Variants in RTN3 observed in about 807,000 individuals in gnomAD.
RTN3 encodes the protein reticulon 3.
A neutral mutation model predicts 77.8 loss-of-function variants in RTN3; 49 were observed. That is an observed-to-expected ratio of 0.63 (90% CI 0.50 to 0.80). The LOEUF is 0.80. RTN3 is among the 30% of genes least tolerant of loss of function. RTN3 has a pLI of 0.00. For missense variants in RTN3, 1,236 were observed against 1,211.9 expected (o/e 1.02, Z -0.29); for synonymous variants, 464 against 446.9 (o/e 1.04, Z -0.48).
At chr11:63,695,980 C>T (rs1941917870) in intron 1 of RTN3, among the ~76,000 whole-genome samples, 1 of 151,810 alleles carries the variant, frequency 6.6e-6, no homozygotes. Context: ...CGATGAACAT[C>T]TCTTAGTGTC....
intron 2 of RTN3, among the ~76,000 whole-genome samples, chr11:63,711,876 A>G (rs2134768620): frequency 6.6e-6 from 1 of 151,962 alleles, no homozygotes; most frequent in East Asian, 1.9e-4. Flanking sequence ...ACAATTTTTT[A>G]TAGAGAAGGG....
At chr11:63,715,675 A>C (rs528827599) in intron 2 of RTN3, among the ~76,000 whole-genome samples, 2 of 151,976 alleles carry the variant, frequency 1.3e-5, no homozygotes, top group South Asian at 4.2e-4. Flanking sequence ...CACACAAAAA[A>C]CACACAAAAA....
chr11:63,749,899 G>C, intron 3 of RTN3, 92 bp from the exon 4 acceptor site: 1 of 898,978 alleles, frequency 1.1e-6, no homozygotes, highest in Admixed American at 2.1e-5. Flanking sequence ...GGGCATACCT[G>C]TATTTGTGTG....
Position 63,707,713 on chromosome 11 carries a change from A to G in RTN3, c.199+2806A>G, listed in dbSNP as rs557054719. On this transcript the variant is annotated intron_variant, in intron 2 of 8. Transcript: ENST00000377819. Reference sequence around the variant, plus strand: ...GCCAGGTGTGGTGGCAGGCACCTGTAATCCCAGCTACTCGGGAGGCTGAGG... The same window carrying G: ...GCCAGGTGTGGTGGCAGGCACCTGTGATCCCAGCTACTCGGGAGGCTGAGG... Among the ~76,000 whole-genome samples, 3 of 152,214 alleles carry G rather than the reference A, an allele frequency of 2.0e-5. No homozygotes were observed. The East Asian group carries it at 5.8e-4, about 29-fold the overall frequency.
chr11:63,711,745 G>A (rs1190337854), intron 2 of RTN3, among the ~76,000 whole-genome samples: 1 of 152,138 alleles, frequency 6.6e-6, no homozygotes, highest in Non-Finnish European at 1.5e-5. Flanking sequence ...TGTATTTTTA[G>A]TAGAGACAGG....
chr11:63,735,602 T>TTCTC (rs1378242447), intron 3 of RTN3, among the ~76,000 whole-genome samples: 3 of 25,040 alleles, frequency 1.2e-4, no homozygotes, highest in African/African-American at 3.9e-4. Flanking sequence ...CTCTCTCTCT[T>TTCTC]TCTTTCAACC....
chr11:63,686,315 A>G (rs1298579192), intron 1 of RTN3, among the ~76,000 whole-genome samples: 1 of 151,886 alleles, frequency 6.6e-6, no homozygotes, highest in East Asian at 1.9e-4. Context: ...CTAAAAATAC[A>G]AAAAATTAGC....
At chr11:63,756,039 A>C in intron 7 of RTN3, 73 bp from the exon 8 acceptor site, 1 of 1,029,952 alleles carries the variant, frequency 9.7e-7, no homozygotes, top group East Asian at 2.4e-5. Flanking sequence ...TAAACTAGAC[A>C]AAAGAGCCGT....
At chr11:63,727,075 C>T (rs2012335257) in intron 3 of RTN3, among the ~76,000 whole-genome samples, 2 of 150,964 alleles carry the variant, frequency 1.3e-5, no homozygotes, top group African/African-American at 4.9e-5. Flanking sequence ...CCTGTAGTCC[C>T]TGAGCCCAGG....
chr11:63,758,467 A>T lies in RTN3; in HGVS notation c.*266A>T. The stretch of plus-strand genomic sequence containing the variant: ...TAAGTCAATACCTTAATGGTGGTAG[A>T]GCCTTTACCTGTAGCTTGAAAGGGG... On this transcript the variant is annotated 3_prime_UTR_variant, in exon 9 of 9. Coordinates refer to ENST00000377819, the MANE Select transcript of RTN3 (RefSeq NM_001265589.2). 1 of 864,812 alleles carries T rather than the reference A, an allele frequency of 1.2e-6. No individual in the cohort carries two copies. The highest frequency in any genetic ancestry group is 1.7e-6 in the Non-Finnish European group (1 of 581,372). 53.6% of individuals were successfully genotyped at this position (864,812 alleles called of 1,614,324 possible).
chr11:63,693,559 A>G (rs754097948), intron 1 of RTN3, among the ~76,000 whole-genome samples: 1 of 152,226 alleles, frequency 6.6e-6, no homozygotes, highest in Non-Finnish European at 1.5e-5. Context: ...CTTTAGGTTA[A>G]GAACATTTGG....
At chr11:63,731,991 A>C (rs1361623861) in intron 3 of RTN3, among the ~76,000 whole-genome samples, 1 of 152,174 alleles carries the variant, frequency 6.6e-6, no homozygotes. Flanking sequence ...AAAGACAAAA[A>C]TCTAAAACAG....
chr11:63,756,013 G>T, intron 7 of RTN3, 99 bp from the exon 8 acceptor site: 1 of 813,988 alleles, frequency 1.2e-6, no homozygotes, highest in Non-Finnish European at 2.1e-6. Context: ...CTGGTCAGTC[G>T]TGTTTAAAAA....
chr11:63,711,560 A>G (rs1277687508), intron 2 of RTN3, among the ~76,000 whole-genome samples: 1 of 151,194 alleles, frequency 6.6e-6, no homozygotes, highest in African/African-American at 2.4e-5. Flanking sequence ...AAGCTAATTT[A>G]AAACAAAAAA....
Position 63,720,024 on chromosome 11 carries a change from A to C in RTN3, c.1522A>C (p.Ile508Leu), listed in dbSNP as rs776806306. ...GESDDTVIED[I>L]TADTSFENNK... ...GTCTGATGACACAGTAATAGAGGAC[A>C]TCACAGCAGATACATCATTTGAAAA... is the stretch of plus-strand genomic sequence containing the variant. Residue 508 changes from isoleucine to leucine, a missense_variant, in exon 3 of 9, where the codon ATC (isoleucine) becomes CTC (leucine). Around this residue, in one of 3 missense-constraint regions of RTN3, gnomAD observed 1,056 missense variants for 990.4 expected, o/e 1.07. Transcript: ENST00000377819. 1 of 1,614,216 alleles carries C rather than the reference A, an allele frequency of 6.2e-7. No individual in the cohort carries two copies. Among genetic ancestry groups the C allele is most frequent in the Admixed American group, 1.7e-5 (1 of 60,018 alleles).
rs185849202 is a variant in RTN3 at position 63,702,694 on chromosome 11, T to G, written c.143-2157T>G. ...TGTTTTTGTTTTTTTGTTTTTTTGTTTTTTTTTTTGAGACGGAGTCTTGCT... is the reference window on the plus strand; with the variant it reads ...TGTTTTTGTTTTTTTGTTTTTTTGTGTTTTTTTTTGAGACGGAGTCTTGCT... On this transcript the variant is annotated intron_variant, in intron 1 of 8. Transcript: ENST00000377819. Among the ~76,000 whole-genome samples the G allele has an allele frequency of 5.8e-4, 65 of 111,602 alleles. 1 individual carries two copies. The highest frequency in any genetic ancestry group is 5.7e-3 in the Middle Eastern group (1 of 176). The allele number at this position is 111,602 out of a possible 152,430, so 73.2% of individuals were successfully genotyped here. A position where few individuals can be genotyped will look rare whatever the true frequency, so the allele number is the denominator to read the frequency against.
At chr11:63,690,041 T>A (rs1333075570) in intron 1 of RTN3, among the ~76,000 whole-genome samples, 1 of 152,126 alleles carries the variant, frequency 6.6e-6, no homozygotes, top group Non-Finnish European at 1.5e-5. Flanking sequence ...ATTACAGATG[T>A]GAGCCACCAC....
rs562351480 is a variant in RTN3, at chr11:63,690,973, C to T, written c.142+9195C>T. Among the ~76,000 whole-genome samples, 377 of 152,210 alleles carry T rather than the reference C, an allele frequency of 2.5e-3. 3 individuals are homozygous for T. The highest frequency in any genetic ancestry group is 4.8e-3 in the Non-Finnish European group (324 of 68,026). On this transcript the variant is annotated intron_variant, in intron 1 of 8. Coordinates refer to ENST00000377819, the MANE Select transcript of RTN3 (RefSeq NM_001265589.2). ...CTATCTCCACTATCTAATTCCAGAA[C>T]ATTTTTATTACCCCAAAGAGAAACC...
chr11:63,686,330 C>T (rs1239716436), intron 1 of RTN3, among the ~76,000 whole-genome samples: 1 of 151,800 alleles, frequency 6.6e-6, no homozygotes, highest in Non-Finnish European at 1.5e-5. Flanking sequence ...ATTAGCCGGG[C>T]GTGGTGGCGG....
Sources: allele counts gnomAD v4.1 joint callset (sites outside exome capture counted in the v4.1 genomes callset), GRCh38; gene constraint gnomAD v4.1.1; regional missense constraint gnomAD v4.1.1; transcripts MANE v1.5; gene names NCBI Gene and HGNC (gene_info 2026-07-23, HGNC 2026-07-21).